The following SUFU variants were observed in gnomAD, a reference collection of about 807,000 sequenced individuals.
SUFU encodes the protein SUFU negative regulator of hedgehog signaling.
A neutral mutation model predicts 58.9 loss-of-function variants in SUFU; 7 were observed. That is an observed-to-expected ratio of 0.12 (90% CI 0.07 to 0.22). SUFU has a LOEUF of 0.22. SUFU is among the 10% of genes least tolerant of loss of function. SUFU has a pLI of 1.00. For synonymous variants in SUFU, 232 were observed against 254.8 expected (o/e 0.91, Z 0.85); for missense variants, 451 against 641.3 (o/e 0.70, Z 3.20).
rs2063809874 is a variant in SUFU at position 102,628,723 on chromosome 10, C to A, written c.1366-1343C>A. 6.6e-6 allele frequency among the ~76,000 whole-genome samples: 1 copy of A among 152,182 alleles called. No individual in the cohort carries two copies. Among genetic ancestry groups the A allele is most frequent in the African/African-American group, 2.4e-5 (1 of 41,436 alleles). On this transcript the variant is annotated intron_variant, in intron 11 of 11. Transcript: ENST00000369902. This position sits in a 1 kb window ranked among gnomAD's most constrained non-coding sequence, Gnocchi z 4.5. ...CCACTTTGGTCCTGGCAGAGACAGT[C>A]CCCCAGCAGAGGGAGCGAAGAGGGA...
At chr10:102,624,480 C>A (rs1335321647) in intron 10 of SUFU, among the ~76,000 whole-genome samples, 2 of 152,224 alleles carry the variant, frequency 1.3e-5, no homozygotes, top group African/African-American at 4.8e-5. Context: ...CAGAGAATGT[C>A]ACCTTTAATA....
At chr10:102,560,366 T>G (rs1342063891) in intron 3 of SUFU, among the ~76,000 whole-genome samples, 4 of 151,986 alleles carry the variant, frequency 2.6e-5, no homozygotes, top group African/African-American at 9.7e-5. Context: ...GGTCAGGAGT[T>G]TGAGACCAGC....
At position 102,545,365 on chromosome 10, in the gene SUFU, C is replaced by T. The variant is rs575509233; in HGVS notation, c.318-4605C>T. ...CCTAAGGTGGCCTCAAACTCCTCGG[C>T]TCAAGTGGTCCATCCACCTCGGTCC... On this transcript the variant is annotated intron_variant, in intron 2 of 11. Coordinates refer to ENST00000369902, the MANE Select transcript of SUFU (RefSeq NM_016169.4). Among the ~76,000 whole-genome samples the T allele has an allele frequency of 4.1e-5, 6 of 148,024 alleles. No homozygotes were observed. The East Asian group carries it at 1.2e-3, about 29-fold the overall frequency.
intron 6 of SUFU, among the ~76,000 whole-genome samples, chr10:102,595,671 A>G (rs1232444760): frequency 6.6e-6 from 1 of 152,146 alleles, no homozygotes; most frequent in African/African-American, 2.4e-5. Flanking sequence ...AAAGCAAGCC[A>G]GGGTCCCACA....
chr10:102,544,250 A>G (rs933227535), intron 2 of SUFU, among the ~76,000 whole-genome samples: 1 of 152,234 alleles, frequency 6.6e-6, no homozygotes, highest in Non-Finnish European at 1.5e-5. Flanking sequence ...AGAGTTATAG[A>G]GAGTTAAACG....
At chr10:102,580,030 C>CCG (rs1388287485) in intron 3 of SUFU, among the ~76,000 whole-genome samples, 2 of 35,240 alleles carry the variant, frequency 5.7e-5, no homozygotes, top group South Asian at 1.0e-3. Flanking sequence ...CTCCCCCGCA[C>CCG]CCCCCCCCCG....
intron 10 of SUFU, among the ~76,000 whole-genome samples, chr10:102,624,519 C>T (rs964697142): frequency 6.6e-6 from 1 of 150,854 alleles, no homozygotes; most frequent in African/African-American, 2.4e-5. Context: ...TAATTTTTCC[C>T]CTTTAATTCT....
chr10:102,519,378 T>C (rs1045772544), intron 2 of SUFU, among the ~76,000 whole-genome samples: 4 of 151,194 alleles, frequency 2.6e-5, no homozygotes, highest in Admixed American at 1.3e-4. Context: ...ACCACGAAAA[T>C]TAGCCGGGCC....
chr10:102,571,125 A>C (rs1223020353), intron 3 of SUFU, among the ~76,000 whole-genome samples: 1 of 152,200 alleles, frequency 6.6e-6, no homozygotes, highest in Non-Finnish European at 1.5e-5. Flanking sequence ...TAAAGCTAAG[A>C]GAGGAGACTC....
chr10:102,589,736 A>T (rs984201341), intron 3 of SUFU, among the ~76,000 whole-genome samples: 1 of 152,048 alleles, frequency 6.6e-6, no homozygotes, highest in Non-Finnish European at 1.5e-5. Context: ...GTGAGCCACC[A>T]CACCTGGCCT....
intron 2 of SUFU, among the ~76,000 whole-genome samples, chr10:102,522,815 G>A (rs775090408): frequency 1.1e-4 from 17 of 152,142 alleles, no homozygotes; most frequent in Non-Finnish European, 2.2e-4. Context: ...TGTCATCGTT[G>A]GGACACAGTT....
chr10:102,555,096 G>A (rs947926618), intron 3 of SUFU, among the ~76,000 whole-genome samples: 16 of 151,814 alleles, frequency 1.1e-4, no homozygotes, highest in Admixed American at 2.6e-4. Context: ...GTGAAACCCC[G>A]TCTCTACTAA....
At position 102,544,490 on chromosome 10, in the gene SUFU, C is replaced by T. The variant is rs961752419; in HGVS notation, c.318-5480C>T. The stretch of plus-strand genomic sequence containing the variant: ...CCGAGACGGGCAGATCACTTGAGAT[C>T]AGGAGTTTGAGACCAACCTGGCCAA... On this transcript the variant is annotated intron_variant, in intron 2 of 11. Coordinates refer to ENST00000369902, the MANE Select transcript of SUFU (RefSeq NM_016169.4). 2.0e-5 allele frequency among the ~76,000 whole-genome samples: 3 copies of T among 152,280 alleles called. No homozygotes were observed. The East Asian group carries it at 5.8e-4, about 29-fold the overall frequency.
intron 3 of SUFU, among the ~76,000 whole-genome samples, chr10:102,589,889 A>G (rs999340951): frequency 1.3e-5 from 2 of 152,036 alleles, no homozygotes; most frequent in African/African-American, 4.8e-5. Flanking sequence ...TTAATCAAGT[A>G]TGATGTTAGC....
At chr10:102,536,879 T>C (rs9665602) in intron 2 of SUFU, among the ~76,000 whole-genome samples, 150,870 of 152,220 alleles carry the variant, frequency 0.99, 74,783 homozygotes, top group East Asian at 1. Context: ...GGTGTGATCT[T>C]AGCTCACGGC....
At chr10:102,609,587 A>G (rs1434178605) in intron 8 of SUFU, among the ~76,000 whole-genome samples, 2 of 152,226 alleles carry the variant, frequency 1.3e-5, no homozygotes. Context: ...GGACAGAGTA[A>G]CATTTATCAG....
At chr10:102,569,133 G>A (rs765744792) in intron 3 of SUFU, among the ~76,000 whole-genome samples, 2 of 151,276 alleles carry the variant, frequency 1.3e-5, no homozygotes, top group African/African-American at 2.4e-5. Context: ...TGGCAACTGC[G>A]TCCAATTATC....
At chr10:102,561,666 G>C (rs1383139388) in intron 3 of SUFU, among the ~76,000 whole-genome samples, 1 of 100,506 alleles carries the variant, frequency 9.9e-6, no homozygotes, top group South Asian at 3.4e-4. Flanking sequence ...AGACCAGCAA[G>C]CTTTTTTTTT....
At chr10:102,585,644 C>T (rs965263391) in intron 3 of SUFU, among the ~76,000 whole-genome samples, 15 of 151,956 alleles carry the variant, frequency 9.9e-5, no homozygotes, top group Non-Finnish European at 2.1e-4. Context: ...GTACCTGGGA[C>T]TACAGGCTTG....
Sources: gnomAD v4.1 joint callset for allele counts (sites outside exome capture counted in the v4.1 genomes callset) on GRCh38, gnomAD v4.1.1 for gene constraint, Gnocchi (gnomAD v3.1) non-coding constraint, MANE v1.5 for transcripts, NCBI Gene and HGNC (gene_info 2026-07-23, HGNC 2026-07-21) for gene names.